The following NRG3 variants were observed in gnomAD, a reference collection of about 807,000 sequenced individuals.
NRG3 encodes neuregulin 3.
NRG3 carries 31 observed loss-of-function variants against 66.9 expected under a neutral mutation model. The ratio of observed to expected loss-of-function variants is 0.46; its 90% confidence interval spans 0.35 to 0.63. NRG3 has a LOEUF of 0.63. Among genes scored for constraint, NRG3 ranks in the 20% least tolerant of loss-of-function variants. The pLI, the probability that NRG3 is intolerant of heterozygous loss-of-function variation, is 0.00. For synonymous variants in NRG3, 393 were observed against 359.4 expected (o/e 1.09, Z -1.06); for missense variants, 910 against 878.9 (o/e 1.04, Z -0.45).
intron 1 of NRG3, among the ~76,000 whole-genome samples, chr10:82,133,628 A>G (rs1300586390): frequency 1.3e-5 from 2 of 152,130 alleles, no homozygotes; most frequent in Admixed American, 1.3e-4. Flanking sequence ...TCCATGGTGT[A>G]TATGTACCAC....
chr10:82,648,386 C>T (rs1367486390), intron 2 of NRG3, among the ~76,000 whole-genome samples: 2 of 151,998 alleles, frequency 1.3e-5, no homozygotes, highest in Non-Finnish European at 2.9e-5. Context: ...GTACCAGTAC[C>T]ATGCTGTTTT....
chr10:82,547,451 G>T (rs985397076), intron 2 of NRG3, among the ~76,000 whole-genome samples: 3 of 149,682 alleles, frequency 2.0e-5, no homozygotes, highest in African/African-American at 4.9e-5. Context: ...TGTATAGTGT[G>T]TATATATGTA....
intron 2 of NRG3, among the ~76,000 whole-genome samples, chr10:82,409,903 G>A (rs2087924628): frequency 6.6e-6 from 1 of 152,066 alleles, no homozygotes; most frequent in Non-Finnish European, 1.5e-5. Flanking sequence ...ATCTACATGT[G>A]GCTTTGTCAG....
At chr10:82,828,194 A>C (rs2062334325) in intron 3 of NRG3, among the ~76,000 whole-genome samples, 1 of 152,160 alleles carries the variant, frequency 6.6e-6, no homozygotes, top group Non-Finnish European at 1.5e-5. Flanking sequence ...GGATGGCGTA[A>C]AGAAGGCTTT....
chr10:82,667,538 A>G lies in NRG3; in HGVS notation c.954-71039A>G, dbSNP rs371922188. Reference sequence around the variant, plus strand: ...ACACAGAGATACTGCCTGGAAGGAAAGCTAATTTTTTTTTAACTCACAGGC... The same window carrying G: ...ACACAGAGATACTGCCTGGAAGGAAGGCTAATTTTTTTTTAACTCACAGGC... On this transcript the variant is annotated intron_variant, in intron 2 of 8. Coordinates refer to ENST00000372141, the MANE Select transcript of NRG3 (RefSeq NM_001010848.4). Among the ~76,000 whole-genome samples, 12 of 152,240 alleles carry G rather than the reference A, an allele frequency of 7.9e-5. No homozygotes were observed. In the East Asian group the frequency reaches 2.1e-3, roughly 27 times the overall value.
At chr10:82,097,381 C>G (rs1167724843) in intron 1 of NRG3, among the ~76,000 whole-genome samples, 1 of 146,668 alleles carries the variant, frequency 6.8e-6, no homozygotes, top group Non-Finnish European at 1.5e-5. Flanking sequence ...CACACACACA[C>G]ACACACACAC....
intron 2 of NRG3, among the ~76,000 whole-genome samples, chr10:82,561,468 A>G (rs1254431748): frequency 3.3e-5 from 5 of 152,140 alleles, no homozygotes; most frequent in Non-Finnish European, 5.9e-5. Context: ...CCTGAGTAAC[A>G]TGGCGAAACC....
intron 3 of NRG3, among the ~76,000 whole-genome samples, chr10:82,839,922 CT>C (rs2062973742): frequency 1.3e-5 from 2 of 152,032 alleles, no homozygotes; most frequent in African/African-American, 4.8e-5. Flanking sequence ...GTACAGATAT[CT>C]CCAATTCCAA....
At chr10:82,447,053 A>G (rs1274807295) in intron 2 of NRG3, among the ~76,000 whole-genome samples, 6 of 152,182 alleles carry the variant, frequency 3.9e-5, no homozygotes, top group African/African-American at 4.8e-5. Flanking sequence ...CTAATAGGAG[A>G]AGAAGAAAGA....
chr10:82,302,358 A>G (rs1169280013), intron 1 of NRG3, among the ~76,000 whole-genome samples: 2 of 152,176 alleles, frequency 1.3e-5, no homozygotes, highest in East Asian at 3.8e-4. Context: ...ATTTATCAGT[A>G]ATCATACGTG....
rs557658004 is a variant in NRG3 at position 82,710,822 on chromosome 10, A to G, written c.954-27755A>G. ...ATTTTTTTACTGGTTTTTACAAGTT[A>G]TACATTCATAAAAGTAAAAACATTT... On this transcript the variant is annotated intron_variant, in intron 2 of 8. Coordinates refer to ENST00000372141, the MANE Select transcript of NRG3 (RefSeq NM_001010848.4). 1.2e-4 allele frequency among the ~76,000 whole-genome samples: 19 copies of G among 152,048 alleles called. No homozygotes were observed. The East Asian group carries it at 3.3e-3, about 26-fold the overall frequency.
At chr10:81,907,280 T>A (rs1035184006) in intron 1 of NRG3, among the ~76,000 whole-genome samples, 3 of 152,188 alleles carry the variant, frequency 2.0e-5, no homozygotes, top group African/African-American at 7.2e-5. Context: ...GGGACCTGCA[T>A]CCACTGCCTA....
In NRG3 at chr10:82,837,550, C is replaced by T. The variant is rs181907412; in HGVS notation, c.1028-27861C>T. Among the ~76,000 whole-genome samples the T allele has an allele frequency of 5.9e-5, 9 of 152,166 alleles. No individual in the cohort carries two copies. The South Asian group carries it at 1.7e-3, about 28-fold the overall frequency. On this transcript the variant is annotated intron_variant, in intron 3 of 8. Transcript: ENST00000372141. ...AGACGAAAAAATAAAGGGAAGTTAA[C>T]GATCACTACCTGATAAATATTTGGA... is the stretch of plus-strand genomic sequence containing the variant.
intron 2 of NRG3, among the ~76,000 whole-genome samples, chr10:82,543,394 T>A (rs559319389): frequency 1.3e-5 from 2 of 152,314 alleles, no homozygotes; most frequent in East Asian, 3.9e-4. Context: ...ATATAAATTT[T>A]GTACTATTTT....
At chr10:82,682,163 C>T (rs1202454938) in intron 2 of NRG3, among the ~76,000 whole-genome samples, 3 of 152,146 alleles carry the variant, frequency 2.0e-5, no homozygotes, top group Non-Finnish European at 4.4e-5. Flanking sequence ...GACTTTAAAG[C>T]GCTCTTCTCT....
chr10:82,045,365 C>T (rs1348736865), intron 1 of NRG3, among the ~76,000 whole-genome samples: 6 of 92,074 alleles, frequency 6.5e-5, no homozygotes, highest in Non-Finnish European at 2.5e-5. Context: ...TAAATGTCTT[C>T]TTTTGAGAAG....
At chr10:82,428,939 A>G (rs778784230) in intron 2 of NRG3, among the ~76,000 whole-genome samples, 5 of 152,096 alleles carry the variant, frequency 3.3e-5, no homozygotes, top group Admixed American at 2.0e-4. Flanking sequence ...TTACTGATAC[A>G]TTAAAAATTT....
At chr10:82,660,408 T>G (rs1207480519) in intron 2 of NRG3, among the ~76,000 whole-genome samples, 2 of 152,172 alleles carry the variant, frequency 1.3e-5, no homozygotes, top group East Asian at 3.9e-4. Flanking sequence ...TCTGTAGTCA[T>G]GCTGTTAGTG....
intron 2 of NRG3, among the ~76,000 whole-genome samples, chr10:82,423,950 TC>T (rs945566246): frequency 2.0e-5 from 3 of 152,040 alleles, no homozygotes; most frequent in Non-Finnish European, 2.9e-5. Flanking sequence ...TCAAAGTTTA[TC>T]CGTGTTGTAG....
Sources: gnomAD v4.1 joint callset for allele counts (sites outside exome capture counted in the v4.1 genomes callset) on GRCh38, gnomAD v4.1.1 for gene constraint, MANE v1.5 for transcripts, NCBI Gene and HGNC (gene_info 2026-07-23, HGNC 2026-07-21) for gene names.